Variants in TMCC1 observed in about 807,000 individuals in gnomAD.
TMCC1 encodes transmembrane and coiled-coil domain family 1.
TMCC1 carries 15 observed loss-of-function variants against 52.4 expected under a neutral mutation model. The ratio of observed to expected loss-of-function variants is 0.29; its 90% CI spans 0.19 to 0.44. The LOEUF is 0.44. Among genes scored for constraint, TMCC1 ranks in the 20% least tolerant of loss-of-function variants. The probability of loss-of-function intolerance (pLI) is 1.00; values close to 1 mark genes in which losing one functional copy is unlikely to be tolerated. For missense variants in TMCC1, 503 were observed against 806.0 expected (o/e 0.62, Z 4.55); for synonymous variants, 279 against 301.9 (o/e 0.92, Z 0.79).
At chr3:129,688,711 T>C (rs2089594549) in intron 4 of TMCC1, 1 of 985,346 alleles carries the variant, frequency 1.0e-6, no homozygotes, top group Non-Finnish European at 1.2e-6. Context: ...CGCACGCAGT[T>C]TGCTAGAGCA....
chr3:129,869,733 C>T (rs922313622), intron 2 of TMCC1, among the ~76,000 whole-genome samples: 8 of 152,210 alleles, frequency 5.3e-5, no homozygotes, highest in African/African-American at 1.4e-4. Context: ...TCCCAACTTA[C>T]CTTGATGCAC....
At chr3:129,723,912 AT>A (rs5852573) in intron 4 of TMCC1, among the ~76,000 whole-genome samples, 158 of 141,384 alleles carry the variant, frequency 1.1e-3, no homozygotes, top group East Asian at 9.1e-3. Context: ...TCAGGATGAG[AT>A]TTTTTTTTTT....
intron 4 of TMCC1, among the ~76,000 whole-genome samples, chr3:129,716,435 C>T (rs546197777): frequency 6.7e-6 from 1 of 149,230 alleles, no homozygotes; most frequent in South Asian, 2.1e-4. Flanking sequence ...CCCAGGTTCA[C>T]GCCATTCTCC....
At chr3:129,695,919 T>G (rs1291021254) in intron 4 of TMCC1, among the ~76,000 whole-genome samples, 1 of 152,198 alleles carries the variant, frequency 6.6e-6, no homozygotes, top group African/African-American at 2.4e-5. Context: ...CTATGTATCA[T>G]GACTTACTTT....
chr3:129,747,140 T>C (rs951399509), intron 4 of TMCC1, among the ~76,000 whole-genome samples: 3 of 152,180 alleles, frequency 2.0e-5, no homozygotes, highest in Non-Finnish European at 4.4e-5. Context: ...ACATGCTCTA[T>C]TAACGTAAGC....
intron 2 of TMCC1, among the ~76,000 whole-genome samples, chr3:129,858,485 C>T (rs1577111561): frequency 6.6e-6 from 1 of 152,194 alleles, no homozygotes; most frequent in East Asian, 1.9e-4. Context: ...ATCCTCCCAC[C>T]TCAGCCTCCT....
intron 4 of TMCC1, among the ~76,000 whole-genome samples, chr3:129,702,484 C>T (rs1382453018): frequency 2.0e-5 from 3 of 152,080 alleles, no homozygotes. Flanking sequence ...TGCTGGAAAA[C>T]TACCACTTGA....
At chr3:129,710,289 G>C (rs2048576253) in intron 4 of TMCC1, among the ~76,000 whole-genome samples, 1 of 152,210 alleles carries the variant, frequency 6.6e-6, no homozygotes, top group African/African-American at 2.4e-5. Context: ...TGTGAGGTTT[G>C]TAAGGCAGCA....
chr3:129,700,843 T>C (rs1379205681), intron 4 of TMCC1, among the ~76,000 whole-genome samples: 1 of 152,148 alleles, frequency 6.6e-6, no homozygotes, highest in Non-Finnish European at 1.5e-5. Context: ...GATTAACTCA[T>C]GGCCCATACA....
At chr3:129,670,212 C>T (rs981552204) in intron 5 of TMCC1, 118 bp downstream of exon 5, 5 of 1,079,050 alleles carry the variant, frequency 4.6e-6, no homozygotes, top group Admixed American at 4.8e-5. Context: ...TTATGACATA[C>T]CGAAAGTGCT....
intron 4 of TMCC1, among the ~76,000 whole-genome samples, chr3:129,743,363 G>A (rs2051631862): frequency 6.6e-6 from 1 of 152,136 alleles, no homozygotes; most frequent in Non-Finnish European, 1.5e-5. Context: ...GATCAACTAA[G>A]AATTCTAGAG....
At chr3:129,852,751 T>C (rs1202641732) in intron 2 of TMCC1, among the ~76,000 whole-genome samples, 1 of 152,204 alleles carries the variant, frequency 6.6e-6, no homozygotes, top group Non-Finnish European at 1.5e-5. Flanking sequence ...TAAAAAATCA[T>C]AAACCGGCTA....
chr3:129,701,942 G>T (rs2047867635), intron 4 of TMCC1, among the ~76,000 whole-genome samples: 1 of 151,912 alleles, frequency 6.6e-6, no homozygotes, highest in African/African-American at 2.4e-5. Flanking sequence ...AAAATAAAAT[G>T]ATTCACCTGA....
chr3:129,749,854 A>G (rs1203091606), intron 4 of TMCC1, among the ~76,000 whole-genome samples: 1 of 152,146 alleles, frequency 6.6e-6, no homozygotes, highest in Non-Finnish European at 1.5e-5. Flanking sequence ...CAGCTTTCCA[A>G]TATTTGAATC....
At chr3:129,663,794 C>T (rs1356163882) in intron 5 of TMCC1, among the ~76,000 whole-genome samples, 1 of 152,040 alleles carries the variant, frequency 6.6e-6, no homozygotes, top group Non-Finnish European at 1.5e-5. Flanking sequence ...CTTTGTATTC[C>T]CCTAGAAAAA....
intron 4 of TMCC1, among the ~76,000 whole-genome samples, chr3:129,787,627 C>A (rs1452745345): frequency 6.6e-6 from 1 of 152,114 alleles, no homozygotes; most frequent in Non-Finnish European, 1.5e-5. Context: ...TTATTACAAG[C>A]AATTTGGCAT....
intron 4 of TMCC1, among the ~76,000 whole-genome samples, chr3:129,812,620 T>C (rs1026921880): frequency 2.0e-5 from 3 of 152,068 alleles, no homozygotes; most frequent in Non-Finnish European, 2.9e-5. Flanking sequence ...AAAGAAAAGG[T>C]AGAGACACTA....
chr3:129,867,724 G>A (rs191402059), intron 2 of TMCC1, among the ~76,000 whole-genome samples: 15 of 152,312 alleles, frequency 9.8e-5, no homozygotes, highest in Admixed American at 9.8e-4. Context: ...TCTGGTGACT[G>A]CATTGGCTTA....
chr3:129,852,477 A>AC, intron 2 of TMCC1, among the ~76,000 whole-genome samples: 1 of 151,422 alleles, frequency 6.6e-6, no homozygotes, highest in Admixed American at 6.6e-5. Context: ...AAAAAAAAAA[A>AC]AAAAGGAAGA....
Sources: gnomAD v4.1 joint callset for allele counts (sites outside exome capture counted in the v4.1 genomes callset) on GRCh38, gnomAD v4.1.1 for gene constraint, MANE v1.5 for transcripts, NCBI Gene and HGNC (gene_info 2026-07-23, HGNC 2026-07-21) for gene names.